The following STK32B variants were observed in gnomAD, a reference collection of about 807,000 sequenced individuals.
STK32B encodes the protein serine/threonine kinase 32B, also known as serine/threonine-protein kinase 32B.
In STK32B, 43 loss-of-function variants were observed where a neutral mutation model predicts 52.6. The observed-to-expected ratio is 0.82, with a 90% CI of 0.64 to 1.05. The LOEUF (loss-of-function observed/expected upper bound fraction) is 1.05, where lower values mean the gene tolerates loss of function less well. STK32B is among the 50% of genes least tolerant of loss of function. STK32B has a pLI of 0.00. For synonymous variants in STK32B, 238 were observed against 204.3 expected (o/e 1.17, Z -1.41); for missense variants, 621 against 534.6 (o/e 1.16, Z -1.59).
chr4:5,449,234 T>G, intron 7 of STK32B, among the ~76,000 whole-genome samples: 1 of 152,112 alleles, frequency 6.6e-6, no homozygotes, highest in East Asian at 1.9e-4. Flanking sequence ...TCGCAGCTAG[T>G]CGAGAGTCTG....
chr4:5,114,553 G>T (rs1414155888), intron 1 of STK32B, among the ~76,000 whole-genome samples: 1 of 152,094 alleles, frequency 6.6e-6, no homozygotes, highest in Non-Finnish European at 1.5e-5. Context: ...TGCATTAGAT[G>T]AATAAATAAA....
At chr4:5,135,695 G>A (rs919562059) in intron 1 of STK32B, among the ~76,000 whole-genome samples, 8 of 152,154 alleles carry the variant, frequency 5.3e-5, no homozygotes, top group Admixed American at 6.5e-5. Flanking sequence ...TGGCTTTATA[G>A]TCACAAGATG....
At chr4:5,259,864 A>G (rs1726582799) in intron 3 of STK32B, among the ~76,000 whole-genome samples, 1 of 152,118 alleles carries the variant, frequency 6.6e-6, no homozygotes, top group East Asian at 1.9e-4. Context: ...GGAGCTTATA[A>G]TCCTGCTCGC....
intron 11 of STK32B, among the ~76,000 whole-genome samples, chr4:5,495,142 G>T (rs893592213): frequency 1.3e-5 from 2 of 152,182 alleles, no homozygotes; most frequent in Non-Finnish European, 2.9e-5. Context: ...GATTGGGGAA[G>T]TTCTCCTGGA....
At chr4:5,198,544 G>A (rs771378271) in intron 3 of STK32B, among the ~76,000 whole-genome samples, 3 of 152,126 alleles carry the variant, frequency 2.0e-5, no homozygotes, top group South Asian at 2.1e-4. Flanking sequence ...GCTATGCTTC[G>A]CCATCTGGGG....
At chr4:5,189,899 C>T (rs1017368633) in intron 3 of STK32B, among the ~76,000 whole-genome samples, 17 of 152,142 alleles carry the variant, frequency 1.1e-4, no homozygotes, top group African/African-American at 3.4e-4. Context: ...TGCATGTCCT[C>T]TGCATTTTTA....
chr4:5,265,549 T>A (rs1727005077), intron 3 of STK32B, among the ~76,000 whole-genome samples: 1 of 152,210 alleles, frequency 6.6e-6, no homozygotes, highest in African/African-American at 2.4e-5. Flanking sequence ...ACTGACACAT[T>A]TGCTGTAGAG....
intron 1 of STK32B, among the ~76,000 whole-genome samples, chr4:5,122,719 T>C (rs927110492): frequency 1.1e-4 from 17 of 152,210 alleles, no homozygotes; most frequent in African/African-American, 3.6e-4. Context: ...TTGCCAACGC[T>C]TGGAGGACTT....
rs1553846538 is a variant in STK32B at position 5,184,684 on chromosome 4, CA to C, written c.260+16247del. On this transcript the variant is annotated intron_variant, in intron 3 of 11. Coordinates refer to ENST00000282908, the MANE Select transcript of STK32B (RefSeq NM_018401.3). ...GCCTGGTGACAGAGCGAGACTGTCT[CA>C]AAAAAAAAAAAAGAAGAAGAAGAAG... 1.6e-3 allele frequency among the ~76,000 whole-genome samples: 170 copies of C among 105,380 alleles called. 1 individual carries two copies. The highest frequency in any genetic ancestry group is 4.2e-3 in the African/African-American group (126 of 30,196). The allele number at this position is 105,380 out of a possible 152,430, so 69.1% of individuals were successfully genotyped here. A position where few individuals can be genotyped will look rare whatever the true frequency, so the allele number is the denominator to read the frequency against.
chr4:5,097,580 AG>A (rs1160144641), intron 1 of STK32B, among the ~76,000 whole-genome samples: 1 of 152,216 alleles, frequency 6.6e-6, no homozygotes, highest in Non-Finnish European at 1.5e-5. Context: ...ATAGCCAAGA[AG>A]GGGAGCTCAG....
At chr4:5,152,642 G>A (rs773339916) in intron 2 of STK32B, among the ~76,000 whole-genome samples, 6 of 152,256 alleles carry the variant, frequency 3.9e-5, no homozygotes, top group Non-Finnish European at 8.8e-5. Context: ...AAAAGCTAAT[G>A]CGTGGATACG....
chr4:5,332,173 T>A (rs529612194), intron 4 of STK32B, among the ~76,000 whole-genome samples: 1 of 152,336 alleles, frequency 6.6e-6, no homozygotes, highest in Non-Finnish European at 1.5e-5. Flanking sequence ...CGTCTAAATT[T>A]TTCCCTTGTT....
At chr4:5,322,411 G>C (rs564737140) in intron 3 of STK32B, among the ~76,000 whole-genome samples, 1 of 152,258 alleles carries the variant, frequency 6.6e-6, no homozygotes, top group East Asian at 1.9e-4. Context: ...GCTACCCTCG[G>C]AGGTCAGATG....
chr4:5,359,397 C>A (rs1322140163), intron 4 of STK32B, among the ~76,000 whole-genome samples: 9 of 149,748 alleles, frequency 6.0e-5, no homozygotes, highest in African/African-American at 1.5e-4. Context: ...CCCTCCCTCC[C>A]TCCCTCCCTC....
upstream of STK32B, among the ~76,000 whole-genome samples, chr4:5,049,934 T>C (rs2108749049): frequency 6.6e-6 from 1 of 152,284 alleles, no homozygotes; most frequent in South Asian, 2.1e-4. Flanking sequence ...AAAGGGAAAG[T>C]TCTCTTATTA....
chr4:5,120,224 C>T (rs907696303), intron 1 of STK32B, among the ~76,000 whole-genome samples: 1 of 152,154 alleles, frequency 6.6e-6, no homozygotes, highest in African/African-American at 2.4e-5. Context: ...ATCGTCATGG[C>T]TTGATGATCC....
chr4:5,249,973 G>C (rs1159178667), intron 3 of STK32B, among the ~76,000 whole-genome samples: 1 of 152,116 alleles, frequency 6.6e-6, no homozygotes, highest in African/African-American at 2.4e-5. Flanking sequence ...TACACTCAAT[G>C]TTTAGCTCCT....
At chr4:5,445,807 A>G (rs375803084) in intron 6 of STK32B, among the ~76,000 whole-genome samples, 11 of 152,244 alleles carry the variant, frequency 7.2e-5, no homozygotes, top group African/African-American at 2.6e-4. Flanking sequence ...GTACCCATGA[A>G]GGAGGTGCAC....
intron 11 of STK32B, among the ~76,000 whole-genome samples, chr4:5,482,447 C>G (rs994570007): frequency 6.6e-6 from 1 of 152,146 alleles, no homozygotes. Flanking sequence ...TATCCTGAGA[C>G]TTTGCTGAAG....
Sources: gnomAD v4.1 joint callset for allele counts (sites outside exome capture counted in the v4.1 genomes callset) on GRCh38, gnomAD v4.1.1 for gene constraint, MANE v1.5 for transcripts, NCBI Gene and HGNC (gene_info 2026-07-23, HGNC 2026-07-21) for gene names.